CCSER1: variants seen among roughly 807,000 people sequenced by gnomAD.
The protein encoded by CCSER1 is coiled-coil serine rich protein 1.
In CCSER1, 41 loss-of-function variants were observed where a neutral mutation model predicts 82.0. The observed-to-expected ratio is 0.50, with a 90% CI of 0.39 to 0.65. The LOEUF (loss-of-function observed/expected upper bound fraction) is 0.65, where lower values mean the gene tolerates loss of function less well. Ranked by LOEUF, CCSER1 falls within the 30% of genes least tolerant of loss-of-function variation. The pLI, the probability that CCSER1 is intolerant of heterozygous loss-of-function variation, is 0.00. For synonymous variants in CCSER1, 414 were observed against 383.9 expected (o/e 1.08, Z -0.92); for missense variants, 1,119 against 1,064.2 (o/e 1.05, Z -0.72).
intron 9 of CCSER1, among the ~76,000 whole-genome samples, chr4:91,067,627 G>A (rs2148757182): frequency 8.0e-6 from 1 of 125,028 alleles, no homozygotes; most frequent in African/African-American, 2.6e-5. Flanking sequence ...TTACAGGTAT[G>A]AGCCACTGCA....
chr4:91,544,617 C>T (rs1761785708), intron 10 of CCSER1, among the ~76,000 whole-genome samples: 1 of 152,178 alleles, frequency 6.6e-6, no homozygotes, highest in African/African-American at 2.4e-5. Context: ...GTGGAGGCTG[C>T]AGAACAGCAA....
chr4:91,452,037 A>C (rs1429854374), intron 10 of CCSER1, among the ~76,000 whole-genome samples: 1 of 151,964 alleles, frequency 6.6e-6, no homozygotes, highest in Non-Finnish European at 1.5e-5. Context: ...CTCTATATAC[A>C]CTATGATGTC....
intron 10 of CCSER1, among the ~76,000 whole-genome samples, chr4:91,161,556 G>A (rs759029205): frequency 2.0e-4 from 30 of 152,070 alleles, no homozygotes; most frequent in Admixed American, 1.3e-3. Context: ...TCTTCCATTT[G>A]TTTGTGTCCT....
intron 10 of CCSER1, among the ~76,000 whole-genome samples, chr4:91,380,346 G>T (rs1560626329): frequency 1.3e-5 from 2 of 152,098 alleles, no homozygotes; most frequent in South Asian, 2.1e-4. Flanking sequence ...TGACAGTGAG[G>T]TGTTAAAGTC....
intron 9 of CCSER1, among the ~76,000 whole-genome samples, chr4:90,953,665 T>A (rs1733146983): frequency 1.3e-5 from 2 of 151,808 alleles, no homozygotes; most frequent in South Asian, 4.1e-4. Context: ...ATCCTTTGGA[T>A]ATATGTGTAT....
At chr4:90,323,497 T>C (rs2126282) in intron 3 of CCSER1, among the ~76,000 whole-genome samples, 99,916 of 151,998 alleles carry the variant, frequency 0.66, 34,350 homozygotes, top group African/African-American at 0.86. Flanking sequence ...TGGCAGAATT[T>C]GGTTCTGTGT....
intron 6 of CCSER1, among the ~76,000 whole-genome samples, chr4:90,670,166 G>T (rs376255215): frequency 2.0e-5 from 3 of 152,042 alleles, no homozygotes; most frequent in East Asian, 1.9e-4. Context: ...TTAAAGTCTC[G>T]AATTGAATAC....
At chr4:91,171,456 A>C (rs1033223185) in intron 10 of CCSER1, among the ~76,000 whole-genome samples, 1 of 152,224 alleles carries the variant, frequency 6.6e-6, no homozygotes, top group Non-Finnish European at 1.5e-5. Flanking sequence ...CAAAGTAAGC[A>C]TTGAGTCAGA....
At chr4:91,203,498 A>T (rs981103989) in intron 10 of CCSER1, among the ~76,000 whole-genome samples, 1 of 144,254 alleles carries the variant, frequency 6.9e-6, no homozygotes. Flanking sequence ...GAGGAATTAG[A>T]TAGATAATAA....
chr4:90,185,979 T>A (rs114061327), intron 1 of CCSER1, among the ~76,000 whole-genome samples: 1 of 151,990 alleles, frequency 6.6e-6, no homozygotes, highest in Non-Finnish European at 1.5e-5. Flanking sequence ...TTGTGCCACA[T>A]TAGGTTCCTC....
chr4:91,349,517 C>T (rs1748323189), intron 10 of CCSER1, among the ~76,000 whole-genome samples: 2 of 152,062 alleles, frequency 1.3e-5, no homozygotes, highest in African/African-American at 2.4e-5. Context: ...AGTCAATAAC[C>T]CTTAAAGGGC....
chr4:91,153,540 G>T (rs1199016236), intron 10 of CCSER1, among the ~76,000 whole-genome samples: 1 of 151,926 alleles, frequency 6.6e-6, no homozygotes, highest in Non-Finnish European at 1.5e-5. Context: ...TCTCCATCCA[G>T]CTTTGTCCTG....
At chr4:90,595,168 A>G (rs1783182088) in intron 5 of CCSER1, among the ~76,000 whole-genome samples, 1 of 151,958 alleles carries the variant, frequency 6.6e-6, no homozygotes, top group Admixed American at 6.6e-5. Context: ...TTCGAATGCA[A>G]TGTAATGTAG....
chr4:91,564,310 T>C (rs1243452318), intron 10 of CCSER1, among the ~76,000 whole-genome samples: 2 of 152,008 alleles, frequency 1.3e-5, no homozygotes, highest in Non-Finnish European at 2.9e-5. Flanking sequence ...GGCATTTAGG[T>C]TGATTCCATG....
At chr4:91,331,902 C>T (rs541898063) in intron 10 of CCSER1, among the ~76,000 whole-genome samples, 4 of 152,248 alleles carry the variant, frequency 2.6e-5, no homozygotes, top group African/African-American at 9.6e-5. Flanking sequence ...AATAGAGACT[C>T]TTTGCAATAT....
At chr4:90,456,919 GT>G (rs1762241785) in intron 4 of CCSER1, among the ~76,000 whole-genome samples, 5 of 152,314 alleles carry the variant, frequency 3.3e-5, no homozygotes, top group Admixed American at 2.0e-4. Flanking sequence ...CTTTGCCCAA[GT>G]TTTGCTCAGG....
At chr4:91,400,744 C>G (rs1184561498) in intron 10 of CCSER1, among the ~76,000 whole-genome samples, 3 of 151,376 alleles carry the variant, frequency 2.0e-5, no homozygotes. Context: ...AATAAAGTAT[C>G]AACTGCTTGT....
chr4:90,945,849 T>G (rs1044825975), intron 9 of CCSER1, among the ~76,000 whole-genome samples: 1 of 152,184 alleles, frequency 6.6e-6, no homozygotes, highest in Non-Finnish European at 1.5e-5. Context: ...TGTCAGGGGT[T>G]GTTCTAAAAG....
intron 10 of CCSER1, among the ~76,000 whole-genome samples, chr4:91,349,518 C>T (rs768142655): frequency 2.6e-5 from 4 of 152,064 alleles, no homozygotes; most frequent in Non-Finnish European, 5.9e-5. Context: ...GTCAATAACC[C>T]TTAAAGGGCT....
Sources: allele counts gnomAD v4.1 joint callset (sites outside exome capture counted in the v4.1 genomes callset), GRCh38; gene constraint gnomAD v4.1.1; transcripts MANE v1.5; gene names NCBI Gene and HGNC (gene_info 2026-07-23, HGNC 2026-07-21).